PDCD11: variants seen among roughly 807,000 people sequenced by gnomAD.
PDCD11 encodes programmed cell death 11, also known as protein RRP5 homolog.
In PDCD11, 97 loss-of-function variants were observed where a neutral mutation model predicts 198.9. That is an observed-to-expected ratio of 0.49 (90% CI 0.41 to 0.58). The LOEUF is 0.58. Ranked by LOEUF, PDCD11 falls within the 20% of genes least tolerant of loss-of-function variation. The pLI is 0.00. For synonymous variants in PDCD11, 893 were observed against 918.0 expected, an observed-to-expected ratio of 0.97 and a Z score of 0.49; for missense variants, 2,102 against 2,312.7, an observed-to-expected ratio of 0.91 and a Z score of 1.87.
Position 103,430,018 on chromosome 10 carries a change from T to C in PDCD11, c.3369-2111T>C, listed in dbSNP as rs2031862223. On this transcript the variant is annotated intron_variant, in intron 21 of 35. Coordinates refer to ENST00000369797, the MANE Select transcript of PDCD11 (RefSeq NM_014976.2). ...CTTTTTTCTTTTTTTAGAGACAGGG[T>C]CTTGCTCTGTCACCCAGGCTGGAGT... 2.0e-5 allele frequency among the ~76,000 whole-genome samples: 3 copies of C among 152,128 alleles called. No homozygotes were observed. In the South Asian group the frequency reaches 6.2e-4, roughly 32 times the overall value.
intron 9 of PDCD11, among the ~76,000 whole-genome samples, 189 bp from the exon 10 acceptor site, chr10:103,413,777 T>A (rs2030941881): frequency 6.6e-6 from 1 of 152,258 alleles, no homozygotes; most frequent in African/African-American, 2.4e-5. Context: ...TTCTGGACTT[T>A]CCCTGACCTT....
At chr10:103,432,641 G>A (rs939567606) in intron 22 of PDCD11, among the ~76,000 whole-genome samples, 22 of 152,222 alleles carry the variant, frequency 1.4e-4, no homozygotes, top group African/African-American at 5.3e-4. Flanking sequence ...AAAAAGGAAG[G>A]AAAGCAGCCT....
chr10:103,421,175 A>G (rs1039604558), intron 16 of PDCD11, among the ~76,000 whole-genome samples, 173 bp from the exon 17 acceptor site: 1 of 152,010 alleles, frequency 6.6e-6, no homozygotes, highest in African/African-American at 2.4e-5. Flanking sequence ...CTCCCAGCCA[A>G]TCCGGAGGCT....
chr10:103,442,429 G>A lies in PDCD11; in HGVS notation c.4924G>A (p.Ala1642Thr), dbSNP rs745689542. Residue 1642 changes from alanine to threonine, a missense_variant, in exon 32 of 36, where the codon GCT becomes ACT. Ala to Thr is a moderately conservative substitution (Grantham distance 58). Transcript: ENST00000369797. ...GGAGATCGAGAAGGCCCGTGCCGTG[G>A]CTGAGAGGGCCCTTAAGACCATCTC... ...ATEIEKARAV[A>T]ERALKTISFR... 3.1e-5 allele frequency: 50 copies of A among 1,614,074 alleles called. No individual in the cohort carries two copies. In the South Asian group the frequency reaches 4.0e-4, roughly 13 times the overall value.
At chr10:103,424,338 G>A (rs2031587790) in intron 19 of PDCD11, among the ~76,000 whole-genome samples, 1 of 152,248 alleles carries the variant, frequency 6.6e-6, no homozygotes, top group South Asian at 2.1e-4. Flanking sequence ...GTATGGTGCA[G>A]TGTAGATATA....
chr10:103,427,400 G>T lies in PDCD11; in HGVS notation c.3368+9G>T, dbSNP rs892496981. On this transcript the variant is annotated intron_variant, in intron 21 of 35. Coordinates refer to ENST00000369797, the MANE Select transcript of PDCD11 (RefSeq NM_014976.2). ...CTGAGTGTTCGGCCAAGGTGAGGGG[G>T]ACATTAGCAGCACTGTCTTACGGAA... is the stretch of plus-strand genomic sequence containing the variant. The T allele has an allele frequency of 1.9e-6, 3 of 1,606,834 alleles. No individual in the cohort carries two copies. Among genetic ancestry groups the T allele is most frequent in the African/African-American group, 2.7e-5 (2 of 74,562 alleles).
chr10:103,403,514 G>C (rs1291306818), intron 4 of PDCD11, among the ~76,000 whole-genome samples: 1 of 152,162 alleles, frequency 6.6e-6, no homozygotes, highest in African/African-American at 2.4e-5. Flanking sequence ...AAGGCGTTCA[G>C]GCAGAAGCAA....
chr10:103,402,619 A>G (rs545792425), intron 3 of PDCD11, among the ~76,000 whole-genome samples: 6 of 151,914 alleles, frequency 3.9e-5, no homozygotes, highest in Non-Finnish European at 7.4e-5. Context: ...TTGTATTTTT[A>G]GTAGAGACGG....
intron 12 of PDCD11, 48 bp from the exon 13 acceptor site, chr10:103,416,443 C>T: frequency 3.1e-6 from 5 of 1,598,444 alleles, no homozygotes; most frequent in South Asian, 1.1e-5. Context: ...AGCTCAGTGG[C>T]TCTCATGATA....
chr10:103,437,868 G>T, intron 25 of PDCD11, 147 bp from the exon 26 acceptor site: 3 of 652,564 alleles, frequency 4.6e-6, no homozygotes, highest in Non-Finnish European at 8.2e-6. Flanking sequence ...CCCTCAGCAG[G>T]TTTTCAACAG....
In PDCD11 at chr10:103,398,439, G is replaced by A. The variant is rs1253576714; in HGVS notation, c.13G>A (p.Glu5Lys). The change falls in exon 2 of 36, where the codon GAA (glutamate) becomes AAA (lysine). Residue 5 changes from glutamate (E) to lysine (K), a missense_variant. Glu to Lys is a moderately conservative substitution (Grantham distance 56). Coordinates refer to ENST00000369797, the MANE Select transcript of PDCD11 (RefSeq NM_014976.2). The part of the protein sequence containing the change: MANL[E>K]ESFPRGGTRK... ...AGGAGACCCAAACATGGCAAACCTG[G>A]AAGAAAGCTTCCCCCGAGGAGGTAC... 6.2e-7 allele frequency: 1 copy of A among 1,613,644 alleles called. No individual in the cohort carries two copies.
At chr10:103,441,176 G>T (rs190198158) in intron 30 of PDCD11, among the ~76,000 whole-genome samples, 5 of 152,162 alleles carry the variant, frequency 3.3e-5, no homozygotes, top group Non-Finnish European at 7.3e-5. Flanking sequence ...ACCGGGTATG[G>T]GATGGCTTAT....
chr10:103,433,951 A>C lies in PDCD11; in HGVS notation c.3478A>C (p.Asn1160His), dbSNP rs774072421. 3 of 1,612,034 alleles carry C rather than the reference A, an allele frequency of 1.9e-6. No homozygotes were observed. The change falls in exon 23 of 36, where the codon AAT becomes CAT. Residue 1160 changes from asparagine (N) to histidine (H), a missense_variant. Transcript: ENST00000369797. ...QTVTCFLKKY[N>H]VVKKWLEVEI... ...CTGGTTCCTTTTTTTCCCTCAGTAC[A>C]ATGTGGTGAAGAAATGGCTTGAGGT...
In PDCD11 at chr10:103,418,779, A is replaced by C. The variant is rs1295708023; in HGVS notation, c.2106+145A>C. On this transcript the variant is annotated intron_variant, in intron 15 of 35. Transcript: ENST00000369797. ...CAGTGATGAAGCCTGTGCTATGGAAAGTAAGAGCAGGCCTGAGTAAGTGCT... is the reference window on the plus strand; with the variant it reads ...CAGTGATGAAGCCTGTGCTATGGAACGTAAGAGCAGGCCTGAGTAAGTGCT... 6 of 696,766 alleles carry C rather than the reference A, an allele frequency of 8.6e-6. No individual in the cohort carries two copies. In the African/African-American group the frequency reaches 9.0e-5, roughly 10 times the overall value. 43.2% of individuals were successfully genotyped at this position (696,766 alleles called of 1,614,324 possible).
chr10:103,397,230 T>C (rs917923976), intron 1 of PDCD11, among the ~76,000 whole-genome samples: 15 of 133,602 alleles, frequency 1.1e-4, no homozygotes, highest in Admixed American at 3.1e-4. Context: ...TTTTTTTTTT[T>C]CTGTCACTGA....
rs766611924 is a variant in PDCD11 at position 103,423,524 on chromosome 10, CTG to C, written c.2648-16_2648-15del. 2 of 1,533,224 alleles carry C rather than the reference CTG, an allele frequency of 1.3e-6. No individual in the cohort carries two copies. The highest frequency in any genetic ancestry group is 1.1e-5 in the South Asian group (1 of 89,490). 95.0% of individuals were successfully genotyped at this position (1,533,224 alleles called of 1,614,324 possible). A position where few individuals can be genotyped will look rare whatever the true frequency, so the allele number is the denominator to read the frequency against. ...ACTCTGTTCCAGAAGGATAATCACA[CTG>C]TGGTTCTGCACTGCAGGGCAGGAGG... On this transcript the variant is annotated splice_polypyrimidine_tract_variant and intron_variant, in intron 18 of 35. Transcript: ENST00000369797.
At position 103,413,190 on chromosome 10, in the gene PDCD11, G is replaced by T; in HGVS notation, c.1053G>T (p.Gln351His). Residue 351 changes from glutamine to histidine, a missense_variant, in exon 9 of 36, where the codon CAG (glutamine) becomes CAT (histidine). Gln to His is a conservative substitution (Grantham distance 24). Coordinates refer to ENST00000369797, the MANE Select transcript of PDCD11 (RefSeq NM_014976.2). The stretch of plus-strand genomic sequence containing the variant: ...TGAGCCTGCGCCCCATCTTCCTACA[G>T]CCTGGACGCCCACTCACCCGACTCT... ...VHLSLRPIFL[Q>H]PGRPLTRLSC... The T allele has an allele frequency of 6.2e-7, 1 of 1,614,178 alleles. No homozygotes were observed. Among genetic ancestry groups the T allele is most frequent in the South Asian group, 1.1e-5 (1 of 91,078 alleles).
rs199928401 is a variant in PDCD11 at position 103,413,162 on chromosome 10, A to G, written c.1025A>G (p.His342Arg). The change falls in exon 9 of 36, where the codon CAC (histidine) becomes CGC (arginine). Residue 342 changes from histidine to arginine, a missense_variant. Physicochemically the swap from His to Arg is conservative, Grantham distance 29. Coordinates refer to ENST00000369797, the MANE Select transcript of PDCD11 (RefSeq NM_014976.2). The part of the protein sequence containing the change: ...LCVHPRTRVV[H>R]LSLRPIFLQP... ...GTCCATCCTCGAACCAGAGTTGTGC[A>G]CCTGAGCCTGCGCCCCATCTTCCTA... is the stretch of plus-strand genomic sequence containing the variant. The G allele has an allele frequency of 1.9e-6, 3 of 1,614,104 alleles. No homozygotes were observed. In the African/African-American group the frequency reaches 4.0e-5, roughly 22 times the overall value.
At chr10:103,424,921 G>A in intron 19 of PDCD11, 63 bp from the exon 20 acceptor site, 1 of 1,570,802 alleles carries the variant, frequency 6.4e-7, no homozygotes, top group East Asian at 2.2e-5. Flanking sequence ...TGCCCAGTGG[G>A]GCCATGAGTG....
Sources: gnomAD v4.1 joint callset for allele counts (sites outside exome capture counted in the v4.1 genomes callset) on GRCh38, gnomAD v4.1.1 for gene constraint, MANE v1.5 for transcripts, NCBI Gene and HGNC (gene_info 2026-07-23, HGNC 2026-07-21) for gene names.